DPP10: variants seen among roughly 807,000 people sequenced by gnomAD.
DPP10 encodes inactive dipeptidyl peptidase 10.
Under a neutral mutation model 120.9 loss-of-function variants are expected in DPP10, and 33 were observed. The observed-to-expected ratio is 0.27, with a 90% CI of 0.21 to 0.37. The LOEUF (loss-of-function observed/expected upper bound fraction) is 0.37, where lower values mean the gene tolerates loss of function less well. DPP10 is among the 10% of genes least tolerant of loss of function. DPP10 has a pLI of 1.00. For missense variants in DPP10, 816 were observed against 942.8 expected (o/e 0.87, Z 1.76); for synonymous variants, 337 against 326.1 (o/e 1.03, Z -0.36).
intron 5 of DPP10, among the ~76,000 whole-genome samples, chr2:115,656,604 G>T (rs1360461914): frequency 1.3e-5 from 2 of 151,592 alleles, no homozygotes; most frequent in African/African-American, 4.8e-5. Flanking sequence ...AAAACTCTTG[G>T]CTATGATTAG....
intron 10 of DPP10, 56 bp from the exon 11 acceptor site, chr2:115,753,118 G>T: frequency 6.5e-7 from 1 of 1,536,064 alleles, no homozygotes; most frequent in South Asian, 1.2e-5. Context: ...TATATTGTTG[G>T]TACTATATCA....
At chr2:115,654,140 T>C (rs1280508043) in intron 5 of DPP10, among the ~76,000 whole-genome samples, 2 of 151,832 alleles carry the variant, frequency 1.3e-5, no homozygotes, top group Non-Finnish European at 3.0e-5. Context: ...GGAATGAGTT[T>C]CATCCACCCT....
At chr2:115,029,387 G>T (rs994231480) in intron 1 of DPP10, among the ~76,000 whole-genome samples, 1 of 150,554 alleles carries the variant, frequency 6.6e-6, no homozygotes, top group African/African-American at 2.4e-5. Flanking sequence ...AGTATTCTAG[G>T]TTTGTCTGTG....
intron 8 of DPP10, among the ~76,000 whole-genome samples, chr2:115,728,964 A>G (rs1462245805): frequency 1.3e-5 from 2 of 152,226 alleles, no homozygotes; most frequent in Non-Finnish European, 2.9e-5. Context: ...ATATGTGTAC[A>G]TGTATATTTA....
intron 3 of DPP10, among the ~76,000 whole-genome samples, chr2:115,413,921 T>G (rs2069154053): frequency 6.6e-6 from 1 of 152,188 alleles, no homozygotes; most frequent in African/African-American, 2.4e-5. Context: ...TAATTTTTTT[T>G]TTCCACTTGG....
chr2:115,176,453 G>C (rs1347964296), intron 1 of DPP10, among the ~76,000 whole-genome samples: 1 of 151,572 alleles, frequency 6.6e-6, no homozygotes, highest in African/African-American at 2.4e-5. Flanking sequence ...ATGAGGATCT[G>C]AGGTTTATTA....
intron 1 of DPP10, among the ~76,000 whole-genome samples, chr2:114,977,751 A>G (rs1188774985): frequency 3.3e-5 from 5 of 152,054 alleles, no homozygotes; most frequent in Admixed American, 2.0e-4. Flanking sequence ...TATTCTTAAT[A>G]TATTTCTCTC....
chr2:114,832,952 C>G (rs975410311), intron 1 of DPP10, among the ~76,000 whole-genome samples: 4 of 152,042 alleles, frequency 2.6e-5, no homozygotes, highest in Non-Finnish European at 4.4e-5. Flanking sequence ...ATGCATGCAT[C>G]TGTGTGTATA....
intron 1 of DPP10, among the ~76,000 whole-genome samples, chr2:115,170,968 A>G (rs1415036774): frequency 2.0e-5 from 3 of 152,288 alleles, no homozygotes; most frequent in Admixed American, 1.3e-4. Context: ...CTCTCTTTGC[A>G]TGAATGCCAT....
At chr2:115,511,417 T>G (rs1186920600) in intron 4 of DPP10, among the ~76,000 whole-genome samples, 1 of 152,114 alleles carries the variant, frequency 6.6e-6, no homozygotes. Flanking sequence ...CTGATGCCTC[T>G]TCTTTCATGC....
intron 5 of DPP10, among the ~76,000 whole-genome samples, chr2:115,683,990 G>A (rs750868710): frequency 3.3e-5 from 5 of 151,752 alleles, no homozygotes; most frequent in Non-Finnish European, 5.9e-5. Context: ...GATTTTAAAT[G>A]CCATCCAAAC....
intron 1 of DPP10, among the ~76,000 whole-genome samples, chr2:115,093,081 A>T (rs187614081): frequency 6.6e-6 from 1 of 152,322 alleles, no homozygotes; most frequent in East Asian, 1.9e-4. Context: ...AATAGTAGAG[A>T]TAAGGTGAAA....
Position 115,526,202 on chromosome 2 carries a change from A to G in DPP10, c.441+230A>G, listed in dbSNP as rs2078126755. 5 of 411,664 alleles carry G rather than the reference A, an allele frequency of 1.2e-5. No individual in the cohort carries two copies. In the South Asian group the frequency reaches 2.3e-4, roughly 19 times the overall value. The allele number at this position is 411,664 out of a possible 1,614,324, so 25.5% of individuals were successfully genotyped here. A position where few individuals can be genotyped will look rare whatever the true frequency, so the allele number is the denominator to read the frequency against. ...GTTTGCCCAGTGCCTGTGCTGATCCAAGTCCATCTCTTGGCAGAGGAGAAT... is the reference window on the plus strand; with the variant it reads ...GTTTGCCCAGTGCCTGTGCTGATCCGAGTCCATCTCTTGGCAGAGGAGAAT... On this transcript the variant is annotated intron_variant, in intron 5 of 25. Coordinates refer to ENST00000410059, the MANE Select transcript of DPP10 (RefSeq NM_020868.6).
chr2:115,236,055 C>G (rs1366083752), intron 1 of DPP10, among the ~76,000 whole-genome samples: 1 of 152,150 alleles, frequency 6.6e-6, no homozygotes, highest in Non-Finnish European at 1.5e-5. Context: ...GCAACCAAAA[C>G]AAAACCTATA....
At chr2:115,625,586 T>C (rs1218643119) in intron 5 of DPP10, among the ~76,000 whole-genome samples, 2 of 152,166 alleles carry the variant, frequency 1.3e-5, no homozygotes, top group African/African-American at 4.8e-5. Flanking sequence ...AGAATAGCCA[T>C]GTAGTTTGGA....
chr2:114,609,148 A>G (rs1054042513), intron 1 of DPP10, among the ~76,000 whole-genome samples: 1 of 152,200 alleles, frequency 6.6e-6, no homozygotes, highest in African/African-American at 2.4e-5. Flanking sequence ...GTGAGAGTGA[A>G]GTTTCCAGAA....
chr2:115,295,973 T>G (rs1056032725), intron 1 of DPP10, among the ~76,000 whole-genome samples: 1 of 152,152 alleles, frequency 6.6e-6, no homozygotes, highest in South Asian at 2.1e-4. Flanking sequence ...AATAAATGTG[T>G]GGAAAAATAA....
chr2:114,848,274 C>T (rs1486133605), intron 1 of DPP10, among the ~76,000 whole-genome samples: 1 of 152,106 alleles, frequency 6.6e-6, no homozygotes, highest in East Asian at 1.9e-4. Flanking sequence ...GAAGTGAGAT[C>T]TGGATTTGCT....
intron 5 of DPP10, among the ~76,000 whole-genome samples, chr2:115,536,050 A>G (rs1458276361): frequency 6.6e-6 from 1 of 152,072 alleles, no homozygotes. Flanking sequence ...ACAACAACAT[A>G]CTTTTAAATA....
Sources: gnomAD v4.1 joint callset for allele counts (sites outside exome capture counted in the v4.1 genomes callset) on GRCh38, gnomAD v4.1.1 for gene constraint, MANE v1.5 for transcripts, NCBI Gene and HGNC (gene_info 2026-07-23, HGNC 2026-07-21) for gene names.